The following ZMIZ1 variants were observed in gnomAD, a reference collection of about 807,000 sequenced individuals.
The protein encoded by ZMIZ1 is zinc finger MIZ domain-containing protein 1.
A neutral mutation model predicts 113.9 loss-of-function variants in ZMIZ1; 17 were observed. The observed-to-expected ratio is 0.15, with a 90% CI of 0.10 to 0.22. ZMIZ1 has a LOEUF of 0.22. Ranked by LOEUF, ZMIZ1 falls within the 10% of genes least tolerant of loss-of-function variation. The pLI, the probability that ZMIZ1 is intolerant of heterozygous loss-of-function variation, is 1.00. For synonymous variants in ZMIZ1, 607 were observed against 603.1 expected, an observed-to-expected ratio of 1.01 and a Z score of -0.09; for missense variants, 1,059 against 1,477.8, an observed-to-expected ratio of 0.72 and a Z score of 4.65.
Position 79,086,227 on chromosome 10 carries a change from C to T in ZMIZ1, c.-337+16957C>T, listed in dbSNP as rs1842808789. The stretch of plus-strand genomic sequence containing the variant: ...TGGACAGTGACAGAATGCGTCTCCC[C>T]GCCCCTCCTTACCTGGCAAACTTTG... On this transcript the variant is annotated intron_variant, in intron 1 of 24. Transcript: ENST00000334512. Among the ~76,000 whole-genome samples, 6 of 152,292 alleles carry T rather than the reference C, an allele frequency of 3.9e-5. No individual in the cohort carries two copies. In the South Asian group the frequency reaches 1.0e-3, roughly 26 times the overall value.
At chr10:79,227,108 C>G (rs1480950828) in intron 7 of ZMIZ1, among the ~76,000 whole-genome samples, 1 of 152,178 alleles carries the variant, frequency 6.6e-6, no homozygotes, top group Admixed American at 6.5e-5. Flanking sequence ...GTGATTCAAA[C>G]AAGAACATTC....
chr10:79,083,004 C>G (rs922132545), intron 1 of ZMIZ1, among the ~76,000 whole-genome samples: 2 of 152,170 alleles, frequency 1.3e-5, no homozygotes, highest in African/African-American at 2.4e-5. Flanking sequence ...TCAAGTTTAT[C>G]AAGCACCTTC....
At chr10:79,254,372 T>G (rs994681068) in intron 7 of ZMIZ1, among the ~76,000 whole-genome samples, 7 of 152,206 alleles carry the variant, frequency 4.6e-5, no homozygotes, top group Non-Finnish European at 7.4e-5. Context: ...TGGCTGCCTT[T>G]GGGGACATCA....
intron 2 of ZMIZ1, among the ~76,000 whole-genome samples, chr10:79,132,829 A>T (rs536743575): frequency 6.6e-6 from 1 of 152,220 alleles, no homozygotes; most frequent in South Asian, 2.1e-4. Context: ...CCCTGAGTTC[A>T]GGGGTAGCTC....
In ZMIZ1 at chr10:79,310,981, G is replaced by A. The variant is rs773520386; in HGVS notation, c.2893G>A (p.Val965Ile). Reference sequence around the variant, plus strand: ...CCCCTCCATACAACAAGGTTTGCACGTACCACACCCCAGCAGCCAGTCAGG... The same window carrying A: ...CCCCTCCATACAACAAGGTTTGCACATACCACACCCCAGCAGCCAGTCAGG... ...PHPSIQQGLH[V>I]PHPSSQSGPP... is the part of the protein sequence containing the mutation. Residue 965 changes from valine to isoleucine, a missense_variant, in exon 24 of 25, where the codon GTA becomes ATA. Physicochemically the swap from Val to Ile is conservative, Grantham distance 29. This residue lies in a region of ZMIZ1 where 225 missense variants were observed against 276.0 expected (regional missense o/e 0.82). Coordinates refer to ENST00000334512, the MANE Select transcript of ZMIZ1 (RefSeq NM_020338.4). 8 of 1,613,764 alleles carry A rather than the reference G, an allele frequency of 5.0e-6. No homozygotes were observed. The highest frequency in any genetic ancestry group is 2.2e-5 in the South Asian group (2 of 91,062).
At chr10:79,104,322 T>A (rs1843474626) in intron 1 of ZMIZ1, among the ~76,000 whole-genome samples, 1 of 151,786 alleles carries the variant, frequency 6.6e-6, no homozygotes, top group Admixed American at 6.6e-5. Context: ...AGCGGATGAG[T>A]ATAGAGTCCG....
At chr10:79,221,158 G>A (rs1848950509) in intron 7 of ZMIZ1, among the ~76,000 whole-genome samples, 1 of 152,228 alleles carries the variant, frequency 6.6e-6, no homozygotes, top group African/African-American at 2.4e-5. Flanking sequence ...GCCAAGGAGG[G>A]CCAGGATGAG....
At position 79,099,154 on chromosome 10, in the gene ZMIZ1, G is replaced by A. The variant is rs12412117; in HGVS notation, c.-336-19761G>A. 1.0e-3 allele frequency among the ~76,000 whole-genome samples: 157 copies of A among 152,264 alleles called. 1 individual carries two copies. Among genetic ancestry groups the A allele is most frequent in the Admixed American group, 6.4e-3 (98 of 15,300 alleles). ...CACCACAGTGTCTGCAAACCAGAGC[G>A]GAGGGTCCCTAGGCTGTGGGGGTGA... On this transcript the variant is annotated intron_variant, in intron 1 of 24. Coordinates refer to ENST00000334512, the MANE Select transcript of ZMIZ1 (RefSeq NM_020338.4).
intron 18 of ZMIZ1, among the ~76,000 whole-genome samples, chr10:79,302,986 C>G (rs368173089): frequency 6.6e-6 from 1 of 151,886 alleles, no homozygotes; most frequent in African/African-American, 2.4e-5. Context: ...CTCAGCCTCC[C>G]GAGTAGCTGG....
At position 79,297,600 on chromosome 10, in the gene ZMIZ1, C is replaced by T; in HGVS notation, c.1414-13C>T. 6.2e-7 allele frequency: 1 copy of T among 1,613,362 alleles called. No homozygotes were observed. Among genetic ancestry groups the T allele is most frequent in the African/African-American group, 1.3e-5 (1 of 75,028 alleles). ...CTGCCCCCCACTCAGTGTTGTTTATCTTGTTTTAATAGCCAGAACAGTTTA... is the reference window on the plus strand; with the variant it reads ...CTGCCCCCCACTCAGTGTTGTTTATTTTGTTTTAATAGCCAGAACAGTTTA... On this transcript the variant is annotated splice_polypyrimidine_tract_variant and intron_variant, in intron 13 of 24. Coordinates refer to ENST00000334512, the MANE Select transcript of ZMIZ1 (RefSeq NM_020338.4).
At chr10:79,311,884 C>G (rs1157620945) in intron 24 of ZMIZ1, among the ~76,000 whole-genome samples, 1 of 152,138 alleles carries the variant, frequency 6.6e-6, no homozygotes, top group Non-Finnish European at 1.5e-5. Flanking sequence ...TGGTGCCAGA[C>G]TCCGGGAGGA....
In ZMIZ1 at chr10:79,313,741, A is replaced by G. The variant is rs1216173763; in HGVS notation, c.*992A>G. ...GTTGCTCTTGGACAGCAAGCAAACC[A>G]TTTCTCTCCGTCTGTTCTGTTTTTC... On this transcript the variant is annotated 3_prime_UTR_variant, in exon 25 of 25. Coordinates refer to ENST00000334512, the MANE Select transcript of ZMIZ1 (RefSeq NM_020338.4). 2 of 307,638 alleles carry G rather than the reference A, an allele frequency of 6.5e-6. No homozygotes were observed. The highest frequency in any genetic ancestry group is 2.8e-5 in the South Asian group (1 of 35,706). 19.1% of individuals were successfully genotyped at this position (307,638 alleles called of 1,614,324 possible). A position where few individuals can be genotyped will look rare whatever the true frequency, so the allele number is the denominator to read the frequency against.
chr10:79,269,130 C>T (rs1851781512), intron 7 of ZMIZ1, among the ~76,000 whole-genome samples: 1 of 152,090 alleles, frequency 6.6e-6, no homozygotes, highest in African/African-American at 2.4e-5. Context: ...GCCCCTGACT[C>T]AACAGGCAAG....
rs56742434 is a variant in ZMIZ1, at chr10:79,286,570, G to A, written c.426-3205G>A. On this transcript the variant is annotated intron_variant, in intron 8 of 24. Coordinates refer to ENST00000334512, the MANE Select transcript of ZMIZ1 (RefSeq NM_020338.4). Reference sequence around the variant, plus strand: ...GGGCAGCATGCCAGCAGGGCCTCGCGTGTGTGCACGGATGTGTCCTCCATA... The same window carrying A: ...GGGCAGCATGCCAGCAGGGCCTCGCATGTGTGCACGGATGTGTCCTCCATA... 3.5e-3 allele frequency among the ~76,000 whole-genome samples: 531 copies of A among 152,358 alleles called. 3 individuals carry two copies. The highest frequency in any genetic ancestry group is 0.011 in the African/African-American group (478 of 41,590).
At chr10:79,168,301 A>G (rs1243733265) in intron 4 of ZMIZ1, among the ~76,000 whole-genome samples, 1 of 152,174 alleles carries the variant, frequency 6.6e-6, no homozygotes, top group Non-Finnish European at 1.5e-5. Context: ...CCCACCAGCA[A>G]GGGCTGCGGA....
chr10:79,301,036 C>A, intron 17 of ZMIZ1, 94 bp downstream of exon 17: 1 of 1,517,552 alleles, frequency 6.6e-7, no homozygotes, highest in Non-Finnish European at 8.8e-7. Context: ...TGGTCCTCAG[C>A]CTTGTCCCTG....
At chr10:79,103,214 C>A (rs1385581213) in intron 1 of ZMIZ1, among the ~76,000 whole-genome samples, 1 of 152,136 alleles carries the variant, frequency 6.6e-6, no homozygotes, top group East Asian at 1.9e-4. Flanking sequence ...TGCTTGGTGC[C>A]CGAGAACTGA....
rs775974502 is a variant in ZMIZ1, at chr10:79,291,072, G to T, written c.654G>T (p.Gly218=). 1 of 1,614,076 alleles carries T rather than the reference G, an allele frequency of 6.2e-7. No individual in the cohort carries two copies. The highest frequency in any genetic ancestry group is 1.7e-5 in the Admixed American group (1 of 60,010). Residue 218 remains glycine, a synonymous_variant, in exon 10 of 25, where the codon GGG becomes GGT. Transcript: ENST00000334512. ...GCCTCAACTCCCCACAGTTTGCGGGGCAGCAGCAGCAGTTCTCAGCCAAGG... is the reference window on the plus strand; with the variant it reads ...GCCTCAACTCCCCACAGTTTGCGGGTCAGCAGCAGCAGTTCTCAGCCAAGG... The part of the protein sequence containing the change: ...NPGLNSPQFA[G]QQQQFSAKAG...
intron 3 of ZMIZ1, among the ~76,000 whole-genome samples, chr10:79,159,959 C>T (rs1287998738): frequency 6.6e-6 from 1 of 152,352 alleles, no homozygotes; most frequent in East Asian, 1.9e-4. Context: ...GCCGTTTCTC[C>T]GGGCCTGGCC....
Sources: gnomAD v4.1 joint callset for allele counts (sites outside exome capture counted in the v4.1 genomes callset) on GRCh38, gnomAD v4.1.1 for gene constraint, gnomAD v4.1.1 regional missense constraint, MANE v1.5 for transcripts, NCBI Gene and HGNC (gene_info 2026-07-23, HGNC 2026-07-21) for gene names.